DACT2: variants seen among roughly 807,000 people sequenced by gnomAD.
DACT2 encodes the protein dapper homolog 2.
Under a neutral mutation model 22.2 loss-of-function variants are expected in DACT2, and 20 were observed. That is an observed-to-expected ratio of 0.90 (90% CI 0.63 to 1.31). The LOEUF (loss-of-function observed/expected upper bound fraction) is 1.31, where lower values mean the gene tolerates loss of function less well. DACT2 is among the 50% of genes most tolerant of loss of function. DACT2 has a pLI of 0.00. For synonymous variants in DACT2, 463 were observed against 479.8 expected, an observed-to-expected ratio of 0.96 and a Z score of 0.46; for missense variants, 1,048 against 1,061.4, an observed-to-expected ratio of 0.99 and a Z score of 0.18.
intron 1 of DACT2, among the ~76,000 whole-genome samples, chr6:168,311,509 TACACACACACAA>T (rs752449981): frequency 5.2e-4 from 61 of 116,194 alleles, no homozygotes; most frequent in South Asian, 1.8e-3. Context: ...CCCACACACA[TACACACACACAA>T]ACACACACAC....
At chr6:168,309,156 G>A in intron 3 of DACT2, 58 bp from the exon 4 acceptor site, 2 of 1,448,456 alleles carry the variant, frequency 1.4e-6, no homozygotes, top group Non-Finnish European at 1.8e-6. Flanking sequence ...GTGCACTGTT[G>A]ATTTCATTTC....
At chr6:168,311,564 A>ACCCATCCACACACACACT (rs1779407432) in intron 1 of DACT2, among the ~76,000 whole-genome samples, 4 of 108,024 alleles carry the variant, frequency 3.7e-5, no homozygotes, top group African/African-American at 2.0e-4. Context: ...ACACACTCAC[A>ACCCATCCACACACACACT]CACAAACACA....
At chr6:168,309,661 C>T (rs1327007592) in intron 3 of DACT2, among the ~76,000 whole-genome samples, 1 of 152,218 alleles carries the variant, frequency 6.6e-6, no homozygotes, top group African/African-American at 2.4e-5. Flanking sequence ...CTGCAGATGC[C>T]CTGGAGGAAA....
At chr6:168,296,595 A>G (rs1002219788) in intron 3 of DACT2, among the ~76,000 whole-genome samples, 17 of 150,278 alleles carry the variant, frequency 1.1e-4, no homozygotes, top group African/African-American at 3.5e-4. Context: ...AGCGGTGAGG[A>G]GATGGTCATG....
chr6:168,308,339 G>T lies in DACT2; in HGVS notation c.1418C>A (p.Pro473Gln), dbSNP rs568170901. The T allele has an allele frequency of 2.1e-5, 32 of 1,551,914 alleles. No homozygotes were observed. The highest frequency in any genetic ancestry group is 2.6e-5 in the Non-Finnish European group (30 of 1,147,064). The change falls in exon 4 of 4, where the codon CCG becomes CAG. Residue 473 changes from proline (P) to glutamine (Q), a missense_variant. Coordinates refer to ENST00000366795, the MANE Select transcript of DACT2 (RefSeq NM_214462.5). ...PSRMLDKSPS[P>Q]ASGHFAHPSF... ...TGGGTGGGCAAAGTGCCCAGAGGCCGGTGAGGGGCTCTTGTCCAGCATCCT... is the reference window on the plus strand; with the variant it reads ...TGGGTGGGCAAAGTGCCCAGAGGCCTGTGAGGGGCTCTTGTCCAGCATCCT...
downstream of DACT2, among the ~76,000 whole-genome samples, chr6:168,303,724 A>G (rs116930196): frequency 6.8e-3 from 1,035 of 152,360 alleles, 6 homozygotes; most frequent in Non-Finnish European, 9.7e-3. Context: ...AAGAGGATGT[A>G]GAGAGAAAAC....
chr6:168,307,926 A>C lies in DACT2; in HGVS notation c.1831T>G (p.Ser611Ala). The change falls in exon 4 of 4, where the codon TCC becomes GCC. Residue 611 changes from serine to alanine, a missense_variant. Ser to Ala is a moderately conservative substitution (Grantham distance 99, BLOSUM62 1). Coordinates refer to ENST00000366795, the MANE Select transcript of DACT2 (RefSeq NM_214462.5). The surrounding 1 kb of genome is among the most constrained non-coding windows in gnomAD (Gnocchi z 5.3). ...GCCCGGGCCGAGATCTCCACGGTGG[A>C]CTGCCAGCGGCGATGCTTCCTCCTG... is the stretch of plus-strand genomic sequence containing the variant. ...VARRKHRRWQSTVEISARARL... is the reference protein window; with the variant it reads ...VARRKHRRWQATVEISARARL... 6.5e-7 allele frequency: 1 copy of C among 1,546,764 alleles called. No homozygotes were observed.
chr6:168,312,420 C>T (rs116499093), intron 1 of DACT2, among the ~76,000 whole-genome samples: 50 of 152,318 alleles, frequency 3.3e-4, no homozygotes, highest in African/African-American at 1.2e-3. Flanking sequence ...TGGTCTCCAA[C>T]TCCTGGACTT....
At chr6:168,310,129 C>A (rs539434190) in intron 3 of DACT2, 39 bp downstream of exon 3, 2 of 1,544,856 alleles carry the variant, frequency 1.3e-6, no homozygotes, top group East Asian at 2.4e-5. Context: ...ATCCCCTGTG[C>A]CTGAGATGAG....
At chr6:168,312,575 G>C (rs1430081101) in intron 1 of DACT2, among the ~76,000 whole-genome samples, 1 of 152,180 alleles carries the variant, frequency 6.6e-6, no homozygotes, top group East Asian at 1.9e-4. Flanking sequence ...CCACTCTAAA[G>C]GGTTTATAAT....
chr6:168,318,540 A>T (rs1779567704), intron 1 of DACT2, among the ~76,000 whole-genome samples: 1 of 152,266 alleles, frequency 6.6e-6, no homozygotes, highest in South Asian at 2.1e-4. Context: ...AACAGAGGTA[A>T]CACAAGTAAA....
exon 6 of DACT2, chr6:168,292,859 T>TTGAAAAAA (rs1778938184): frequency 6.6e-6 from 1 of 152,148 alleles, no homozygotes; most frequent in Admixed American, 6.5e-5. Context: ...TATTGAAATA[T>TTGAAAAAA]AAGAAGAAGA....
Position 168,307,046 on chromosome 6 carries a change from T to G in DACT2, c.*386A>C. ...CCTGCAACCGCCTCTTTAAAATGCTTTTGGGGAGGAATGGTCAAAGGATTG... is the reference window on the plus strand; with the variant it reads ...CCTGCAACCGCCTCTTTAAAATGCTGTTGGGGAGGAATGGTCAAAGGATTG... On this transcript the variant is annotated 3_prime_UTR_variant, in exon 4 of 4. Transcript: ENST00000366795. This position sits in a 1 kb window ranked among gnomAD's most constrained non-coding sequence, Gnocchi z 5.3. The G allele has an allele frequency of 9.8e-7, 1 of 1,016,990 alleles. No individual in the cohort carries two copies. The highest frequency in any genetic ancestry group is 1.2e-6 in the Non-Finnish European group (1 of 850,014). The allele number at this position is 1,016,990 out of a possible 1,614,324, so 63.0% of individuals were successfully genotyped here.
rs920985043 is a variant in DACT2 at position 168,319,457 on chromosome 6, G to A, written c.177C>T (p.Cys59=). The A allele has an allele frequency of 1.7e-6, 2 of 1,204,832 alleles. No individual in the cohort carries two copies. The highest frequency in any genetic ancestry group is 1.6e-5 in the African/African-American group (1 of 63,042). 74.6% of individuals were successfully genotyped at this position (1,204,832 alleles called of 1,614,324 possible). ...LQPPPAPAAP[C]GPHGLHGPEQ... is the part of the protein sequence containing the mutation. ...CGGGGCCGTGGAGGCCGTGGGGGCC[G>A]CAGGGCGCGGCGGGCGCGGGCGGGG... Residue 59 remains cysteine, a synonymous_variant, in exon 1 of 4, where the codon TGC becomes TGT. Coordinates refer to ENST00000366795, the MANE Select transcript of DACT2 (RefSeq NM_214462.5).
At chr6:168,319,149 G>C (rs553038066) in intron 1 of DACT2, among the ~76,000 whole-genome samples, 13 of 152,298 alleles carry the variant, frequency 8.5e-5, no homozygotes, top group Admixed American at 3.3e-4. Flanking sequence ...GGCGGAGCGC[G>C]GGCTGCAGCC....
chr6:168,296,106 T>C (rs9364430), intron 3 of DACT2, among the ~76,000 whole-genome samples: 647 of 23,958 alleles, frequency 0.027, no homozygotes, highest in Middle Eastern at 0.043. Context: ...AGGGAAAGAG[T>C]GGATCCATCC....
rs1279218440 is a variant in DACT2 at position 168,293,794 on chromosome 6, C to G, written c.*100G>C. 2.8e-5 allele frequency: 19 copies of G among 690,350 alleles called. No individual in the cohort carries two copies. The East Asian group carries it at 5.1e-4, about 19-fold the overall frequency. 42.8% of individuals were successfully genotyped at this position (690,350 alleles called of 1,614,324 possible). A position where few individuals can be genotyped will look rare whatever the true frequency, so the allele number is the denominator to read the frequency against. On this transcript the variant is annotated 3_prime_UTR_variant, in exon 6 of 6. Transcript: ENST00000366796. ...GAGTGACTTGGCGGGCAGAGGGGGG[C>G]CGATGATATCGGGAGAAGAAGCTGG...
chr6:168,310,693 T>G (rs1299794685), intron 2 of DACT2, among the ~76,000 whole-genome samples: 4 of 152,218 alleles, frequency 2.6e-5, no homozygotes, highest in African/African-American at 9.6e-5. Context: ...TCTGCAGCCC[T>G]GGCCCTCCCT....
At chr6:168,305,910 A>G (rs73034320), downstream of DACT2, among the ~76,000 whole-genome samples, 10,579 of 152,168 alleles carry the variant, frequency 0.07, 446 homozygotes, top group Middle Eastern at 0.16. Flanking sequence ...GTGAAATTGC[A>G]CACAGACGAG....
Sources: gnomAD v4.1 joint callset for allele counts (sites outside exome capture counted in the v4.1 genomes callset) on GRCh38, gnomAD v4.1.1 for gene constraint, Gnocchi (gnomAD v3.1) non-coding constraint, MANE v1.5 for transcripts, NCBI Gene and HGNC (gene_info 2026-07-23, HGNC 2026-07-21) for gene names.